The following PCDHB10 variants were observed in gnomAD, a reference collection of about 807,000 sequenced individuals.
The protein encoded by PCDHB10 is protocadherin beta-10.
For missense variants in PCDHB10, 1,046 were observed against 1,004.7 expected (o/e 1.04, Z -0.56); for synonymous variants, 448 against 449.2 (o/e 1.00, Z 0.04).
Position 141,193,742 on chromosome 5 carries a change from T to C in PCDHB10, c.1190T>C (p.Val397Ala), listed in dbSNP as rs781806940. The change falls in exon 1 of 1, where the codon GTG becomes GCG. Residue 397 changes from valine to alanine, a missense_variant. Physicochemically the swap from Val to Ala is moderately conservative, Grantham distance 64 (BLOSUM62 0). Transcript: ENST00000239446. ...CTGCCATTCCTACTAAAACCTTCTG[T>C]GGAGAATTTTTACATCCTAATTACA... ...ENLPFLLKPSVENFYILITEG... is the reference protein window; with the variant it reads ...ENLPFLLKPSAENFYILITEG... 1.9e-6 allele frequency: 3 copies of C among 1,614,170 alleles called. No homozygotes were observed. The highest frequency in any genetic ancestry group is 3.3e-5 in the Admixed American group (2 of 60,030).
In PCDHB10 at chr5:141,194,707, A is replaced by G. The variant is rs139133066; in HGVS notation, c.2155A>G (p.Ser719Gly). 29 of 1,609,030 alleles carry G rather than the reference A, an allele frequency of 1.8e-5. No homozygotes were observed. In the African/African-American group the frequency reaches 3.5e-4, roughly 19 times the overall value. ...CGTGGCGGTGCGGCTGTGCAGGAGG[A>G]GCAGGGCGGCCTCGGTGGGTCGCTG... ...LFVAVRLCRR[S>G]RAASVGRCSV... The change falls in exon 1 of 1, where the codon AGC becomes GGC. Residue 719 changes from serine to glycine, a missense_variant. Physicochemically the swap from Ser to Gly is moderately conservative, Grantham distance 56. Transcript: ENST00000239446.
At position 141,194,773 on chromosome 5, in the gene PCDHB10, G is replaced by C; in HGVS notation, c.2221G>C (p.Val741Leu). ...EGPFPGHLVD[V>L]RGAETLSQSY... is the part of the protein sequence containing the mutation. The stretch of plus-strand genomic sequence containing the variant: ...TCCTTTTCCAGGGCATCTGGTGGAC[G>C]TGAGGGGCGCTGAGACCCTGTCCCA... Residue 741 changes from valine to leucine, a missense_variant, in exon 1 of 1, where the codon GTG (valine) becomes CTG (leucine). Val to Leu is a conservative substitution (Grantham distance 32, BLOSUM62 1). Transcript: ENST00000239446. 1 of 1,614,120 alleles carries C rather than the reference G, an allele frequency of 6.2e-7. No homozygotes were observed. Among genetic ancestry groups the C allele is most frequent in the Non-Finnish European group, 8.5e-7 (1 of 1,180,030 alleles).
At position 141,194,841 on chromosome 5, in the gene PCDHB10, C is replaced by G. The variant is rs782571154; in HGVS notation, c.2289C>G (p.Thr763=). The change falls in exon 1 of 1, where the codon ACC becomes ACG. Residue 763 remains threonine (T), a synonymous_variant. Coordinates refer to ENST00000239446, the MANE Select transcript of PCDHB10 (RefSeq NM_018930.4). ...TGTGTCTGACGGGAGGCCCCGGGAC[C>G]AGTGAGTTCAAGTTCTTGAAACCAG... ...YEVCLTGGPG[T]SEFKFLKPVI... The G allele has an allele frequency of 6.2e-7, 1 of 1,614,146 alleles. No individual in the cohort carries two copies. Among genetic ancestry groups the G allele is most frequent in the Non-Finnish European group, 8.5e-7 (1 of 1,180,018 alleles).
rs576733117 is a variant in PCDHB10, at chr5:141,195,270, A to G, written c.*315A>G. The G allele has an allele frequency of 8.7e-6, 2 of 230,716 alleles. No individual in the cohort carries two copies. Among genetic ancestry groups the G allele is most frequent in the South Asian group, 9.9e-5 (1 of 10,134 alleles). The allele number at this position is 230,716 out of a possible 1,614,324, so 14.3% of individuals were successfully genotyped here. A position where few individuals can be genotyped will look rare whatever the true frequency, so the allele number is the denominator to read the frequency against. On this transcript the variant is annotated 3_prime_UTR_variant, in exon 1 of 1. Transcript: ENST00000239446. ...TCAGAGCTTGCATCTCATGATTCTA[A>G]TCACTTCTGTCTATAGTGTACTTGC...
In PCDHB10 at chr5:141,193,624, G is replaced by C. The variant is rs782383577; in HGVS notation, c.1072G>C (p.Glu358Gln). 6.2e-7 allele frequency: 1 copy of C among 1,614,140 alleles called. No individual in the cohort carries two copies. The highest frequency in any genetic ancestry group is 8.5e-7 in the Non-Finnish European group (1 of 1,180,024). ...ATCATCATTTTCCAACTCTGTTGCT[G>C]AGAATTCTCCTGAGACGCCGCTGGC... is the stretch of plus-strand genomic sequence containing the variant. ...IVSSFSNSVA[E>Q]NSPETPLAVF... The change falls in exon 1 of 1, where the codon GAG (glutamate) becomes CAG (glutamine). Residue 358 changes from glutamate (E) to glutamine (Q), a missense_variant. Coordinates refer to ENST00000239446, the MANE Select transcript of PCDHB10 (RefSeq NM_018930.4).
rs1554284455 is a variant in PCDHB10 at position 141,194,606 on chromosome 5, C to T, written c.2054C>T (p.Ala685Val). The change falls in exon 1 of 1, where the codon GCC becomes GTC. Residue 685 changes from alanine to valine, a missense_variant. Physicochemically the swap from Ala to Val is moderately conservative, Grantham distance 64. Coordinates refer to ENST00000239446, the MANE Select transcript of PCDHB10 (RefSeq NM_018930.4). ...EAAPAQAQAE[A>V]DLLTVYLVVA... ...GCCCCGGCCCAGGCCCAGGCCGAGG[C>T]CGACTTGCTCACCGTCTACCTGGTG... The T allele has an allele frequency of 6.8e-7, 1 of 1,472,204 alleles. No homozygotes were observed. Among genetic ancestry groups the T allele is most frequent in the Non-Finnish European group, 9.2e-7 (1 of 1,088,172 alleles). The allele number at this position is 1,472,204 out of a possible 1,614,324, so 91.2% of individuals were successfully genotyped here.
At position 141,192,479 on chromosome 5, in the gene PCDHB10, G is replaced by T. The variant is rs1753924385; in HGVS notation, c.-74G>T. On this transcript the variant is annotated 5_prime_UTR_variant, in exon 1 of 1. The change creates a new upstream start codon in the 5' untranslated region. Coordinates refer to ENST00000239446, the MANE Select transcript of PCDHB10 (RefSeq NM_018930.4). ...CCCTGGGCTACACGGCGTAGGTGCA[G>T]GGTTTCCTACTGCTGTTCTTTTATG... 1.3e-6 allele frequency: 2 copies of T among 1,550,728 alleles called. No homozygotes were observed. The highest frequency in any genetic ancestry group is 1.7e-6 in the Non-Finnish European group (2 of 1,150,596).
Position 141,194,344 on chromosome 5 carries a change from C to A in PCDHB10, c.1792C>A (p.Gln598Lys). 6.2e-7 allele frequency: 1 copy of A among 1,601,748 alleles called. No homozygotes were observed. The highest frequency in any genetic ancestry group is 8.5e-7 in the Non-Finnish European group (1 of 1,178,712). Residue 598 changes from glutamine to lysine, a missense_variant, in exon 1 of 1, where the codon CAG becomes AAG. Gln to Lys is a moderately conservative substitution (Grantham distance 53). Transcript: ENST00000239446. Reference sequence around the variant, plus strand: ...GGTGGCGGTGGACGGCGACTCGGGCCAGAACGCCTGGCTGTCGTACCAGCT... The same window carrying A: ...GGTGGCGGTGGACGGCGACTCGGGCAAGAACGCCTGGCTGTCGTACCAGCT... ...KVVAVDGDSGQNAWLSYQLLK... is the reference protein window; with the variant it reads ...KVVAVDGDSGKNAWLSYQLLK...
rs1285169820 is a variant in PCDHB10 at position 141,194,620 on chromosome 5, G to A, written c.2068G>A (p.Val690Ile). The change falls in exon 1 of 1, where the codon GTC becomes ATC. Residue 690 changes from valine (V) to isoleucine (I), a missense_variant. Val to Ile is a conservative substitution (Grantham distance 29). Coordinates refer to ENST00000239446, the MANE Select transcript of PCDHB10 (RefSeq NM_018930.4). ...QAQAEADLLT[V>I]YLVVALASVS... ...CCAGGCCGAGGCCGACTTGCTCACCGTCTACCTGGTGGTGGCGTTGGCCTC... is the reference window on the plus strand; with the variant it reads ...CCAGGCCGAGGCCGACTTGCTCACCATCTACCTGGTGGTGGCGTTGGCCTC... 33 of 1,596,930 alleles carry A rather than the reference G, an allele frequency of 2.1e-5. No homozygotes were observed. The highest frequency in any genetic ancestry group is 5.1e-5 in the Admixed American group (3 of 59,104).
Position 141,194,587 on chromosome 5 carries a change from G to A in PCDHB10, c.2035G>A (p.Ala679Thr), listed in dbSNP as rs782677080. 16 of 1,542,738 alleles carry A rather than the reference G, an allele frequency of 1.0e-5. No homozygotes were observed. In the South Asian group the frequency reaches 1.4e-4, roughly 13 times the overall value. Residue 679 changes from alanine (A) to threonine (T), a missense_variant, in exon 1 of 1, where the codon GCC becomes ACC. Physicochemically the swap from Ala to Thr is moderately conservative, Grantham distance 58 (BLOSUM62 0). Coordinates refer to ENST00000239446, the MANE Select transcript of PCDHB10 (RefSeq NM_018930.4). ...CCTGCCTCTCCCGGAGGCGGCCCCG[G>A]CCCAGGCCCAGGCCGAGGCCGACTT... ...PYLPLPEAAP[A>T]QAQAEADLLT...
chr5:141,192,374 T>C lies in PCDHB10; in HGVS notation c.-179T>C. 1.3e-6 allele frequency: 1 copy of C among 758,884 alleles called. No homozygotes were observed. The highest frequency in any genetic ancestry group is 3.0e-5 in the Admixed American group (1 of 33,062). The allele number at this position is 758,884 out of a possible 1,614,324, so 47.0% of individuals were successfully genotyped here. On this transcript the variant is annotated 5_prime_UTR_variant, in exon 1 of 1. Transcript: ENST00000239446. ...CTGAGGATGCTATGCAAGTCACTAATAAAGGAAGACACGGACAGATGAACT... is the reference window on the plus strand; with the variant it reads ...CTGAGGATGCTATGCAAGTCACTAACAAAGGAAGACACGGACAGATGAACT...
rs201922786 is a variant in PCDHB10 at position 141,193,317 on chromosome 5, C to A, written c.765C>A (p.Ser255Arg). The A allele has an allele frequency of 1.9e-6, 3 of 1,613,970 alleles. No individual in the cohort carries two copies. Among genetic ancestry groups the A allele is most frequent in the South Asian group, 2.2e-5 (2 of 91,072 alleles). ...ATGAGACCCAGGCTCCAGAAAACAG[C>A]CCCATTGGGTTCCTTATTGTTAAGG... ...ALYETQAPEN[S>R]PIGFLIVKVW... The change falls in exon 1 of 1, where the codon AGC becomes AGA. Residue 255 changes from serine (S) to arginine (R), a missense_variant. Coordinates refer to ENST00000239446, the MANE Select transcript of PCDHB10 (RefSeq NM_018930.4).
chr5:141,193,069 A>T lies in PCDHB10; in HGVS notation c.517A>T (p.Ser173Cys). The T allele has an allele frequency of 1.2e-6, 2 of 1,614,224 alleles. No homozygotes were observed. The highest frequency in any genetic ancestry group is 1.7e-6 in the Non-Finnish European group (2 of 1,180,046). ...TAACGGTATCCAAAACTACACGATC[A>T]GCCCCAACTCTTTTTTCCATATTAA... ...GLNGIQNYTI[S>C]PNSFFHINIS... Residue 173 changes from serine (S) to cysteine (C), a missense_variant, in exon 1 of 1, where the codon AGC (serine) becomes TGC (cysteine). Ser to Cys is a moderately radical substitution (Grantham distance 112, BLOSUM62 -1). Coordinates refer to ENST00000239446, the MANE Select transcript of PCDHB10 (RefSeq NM_018930.4).
rs1554284090 is a variant in PCDHB10 at position 141,193,507 on chromosome 5, A to G, written c.955A>G (p.Ile319Val). The G allele has an allele frequency of 6.2e-7, 1 of 1,614,056 alleles. No homozygotes were observed. Among genetic ancestry groups the G allele is most frequent in the African/African-American group, 1.3e-5 (1 of 74,914 alleles). Residue 319 changes from isoleucine to valine, a missense_variant, in exon 1 of 1, where the codon ATA (isoleucine) becomes GTA (valine). Coordinates refer to ENST00000239446, the MANE Select transcript of PCDHB10 (RefSeq NM_018930.4). The stretch of plus-strand genomic sequence containing the variant: ...GTTAGTAAATTCTTACAAAATAAAT[A>G]TACAGGCAATGGACGGTGGAGGCCT... ...YELVNSYKIN[I>V]QAMDGGGLSA... is the part of the protein sequence containing the mutation.
At position 141,194,812 on chromosome 5, in the gene PCDHB10, G is replaced by A. The variant is rs1408554369; in HGVS notation, c.2260G>A (p.Glu754Lys). The change falls in exon 1 of 1, where the codon GAG becomes AAG. Residue 754 changes from glutamate to lysine, a missense_variant. Physicochemically the swap from Glu to Lys is moderately conservative, Grantham distance 56. Transcript: ENST00000239446. ...AETLSQSYQY[E>K]VCLTGGPGTS... ...GACCCTGTCCCAGAGCTACCAGTAT[G>A]AGGTGTGTCTGACGGGAGGCCCCGG... is the stretch of plus-strand genomic sequence containing the variant. The A allele has an allele frequency of 1.5e-5, 24 of 1,614,068 alleles. No individual in the cohort carries two copies. The highest frequency in any genetic ancestry group is 1.3e-4 in the South Asian group (12 of 91,088).
rs371615650 is a variant in PCDHB10 at position 141,194,579 on chromosome 5, C to G, written c.2027C>G (p.Ala676Gly). 1 of 1,559,116 alleles carries G rather than the reference C, an allele frequency of 6.4e-7. No individual in the cohort carries two copies. The highest frequency in any genetic ancestry group is 8.6e-7 in the Non-Finnish European group (1 of 1,159,660). The change falls in exon 1 of 1, where the codon GCG becomes GGG. Residue 676 changes from alanine to glycine, a missense_variant. Physicochemically the swap from Ala to Gly is moderately conservative, Grantham distance 60. Coordinates refer to ENST00000239446, the MANE Select transcript of PCDHB10 (RefSeq NM_018930.4). ...CAGCCCTACCTGCCTCTCCCGGAGG[C>G]GGCCCCGGCCCAGGCCCAGGCCGAG... The part of the protein sequence containing the change: ...FSQPYLPLPE[A>G]APAQAQAEAD...
At position 141,194,845 on chromosome 5, in the gene PCDHB10, G is replaced by C. The variant is rs782228192; in HGVS notation, c.2293G>C (p.Glu765Gln). 2 of 1,614,206 alleles carry C rather than the reference G, an allele frequency of 1.2e-6. No individual in the cohort carries two copies. Among genetic ancestry groups the C allele is most frequent in the Non-Finnish European group, 1.7e-6 (2 of 1,180,050 alleles). The change falls in exon 1 of 1, where the codon GAG becomes CAG. Residue 765 changes from glutamate to glutamine, a missense_variant. Physicochemically the swap from Glu to Gln is conservative, Grantham distance 29 (BLOSUM62 2). Coordinates refer to ENST00000239446, the MANE Select transcript of PCDHB10 (RefSeq NM_018930.4). ...VCLTGGPGTSEFKFLKPVISD... is the reference protein window; with the variant it reads ...VCLTGGPGTSQFKFLKPVISD... ...TCTGACGGGAGGCCCCGGGACCAGT[G>C]AGTTCAAGTTCTTGAAACCAGTTAT...
rs1304230372 is a variant in PCDHB10, at chr5:141,194,330, A to G, written c.1778A>G (p.Asp593Gly). 5.6e-6 allele frequency: 9 copies of G among 1,600,976 alleles called. No homozygotes were observed. The African/African-American group carries it at 8.0e-5, about 14-fold the overall frequency. The change falls in exon 1 of 1, where the codon GAC becomes GGC. Residue 593 changes from aspartate (D) to glycine (G), a missense_variant. Physicochemically the swap from Asp to Gly is moderately conservative, Grantham distance 94. Coordinates refer to ENST00000239446, the MANE Select transcript of PCDHB10 (RefSeq NM_018930.4). ...GYLVTKVVAV[D>G]GDSGQNAWLS... ...CTGGTGACCAAGGTGGTGGCGGTGG[A>G]CGGCGACTCGGGCCAGAACGCCTGG... is the stretch of plus-strand genomic sequence containing the variant.
Position 141,193,648 on chromosome 5 carries a change from G to A in PCDHB10, c.1096G>A (p.Ala366Thr), listed in dbSNP as rs782796782. The part of the protein sequence containing the change: ...VAENSPETPL[A>T]VFKINDRDSG... ...TGAGAATTCTCCTGAGACGCCGCTG[G>A]CTGTTTTTAAGATTAATGACAGAGA... The change falls in exon 1 of 1, where the codon GCT (alanine) becomes ACT (threonine). Residue 366 changes from alanine (A) to threonine (T), a missense_variant. Coordinates refer to ENST00000239446, the MANE Select transcript of PCDHB10 (RefSeq NM_018930.4). 1.2e-6 allele frequency: 2 copies of A among 1,614,126 alleles called. No individual in the cohort carries two copies. Among genetic ancestry groups the A allele is most frequent in the East Asian group, 4.5e-5 (2 of 44,870 alleles).
Sources: allele counts gnomAD v4.1 joint callset, GRCh38; gene constraint gnomAD v4.1.1; transcripts MANE v1.5; gene names NCBI Gene and HGNC (gene_info 2026-07-23, HGNC 2026-07-21).